TTC23: variants seen among roughly 807,000 people sequenced by gnomAD.
The protein encoded by TTC23 is tetratricopeptide repeat domain 23.
A neutral mutation model predicts 55.1 loss-of-function variants in TTC23; 58 were observed. The observed-to-expected ratio is 1.05, with a 90% CI of 0.85 to 1.31. TTC23 has a LOEUF of 1.31. Among genes scored for constraint, TTC23 ranks in the 50% most tolerant of loss-of-function variants. TTC23 has a pLI of 0.00. For synonymous variants in TTC23, 203 were observed against 199.9 expected, an observed-to-expected ratio of 1.02 and a Z score of -0.13; for missense variants, 516 against 534.4, an observed-to-expected ratio of 0.97 and a Z score of 0.34.
intron 10 of TTC23, among the ~76,000 whole-genome samples, chr15:99,173,255 C>T (rs184136081): frequency 3.1e-4 from 47 of 152,324 alleles, no homozygotes; most frequent in Non-Finnish European, 6.2e-4. Context: ...CTTGTTTTGA[C>T]TCACTCAGAG....
Position 99,199,975 on chromosome 15 carries a change from C to G in TTC23, c.703G>C (p.Ala235Pro). The stretch of plus-strand genomic sequence containing the variant: ...AGTCCCAGGGCTTGCTCTACACCTG[C>G]TAATTCTCTCAATATGGGTACACAC... ...RECVPILRELAGVEQALGLHD... is the reference protein window; with the variant it reads ...RECVPILRELPGVEQALGLHD... The change falls in exon 9 of 14, where the codon GCA (alanine) becomes CCA (proline). Residue 235 changes from alanine (A) to proline (P), a missense_variant. Ala to Pro is a conservative substitution (Grantham distance 27). Coordinates refer to ENST00000394132, the MANE Select transcript of TTC23 (RefSeq NM_001288615.3). The G allele has an allele frequency of 6.2e-7, 1 of 1,613,990 alleles. No individual in the cohort carries two copies. Among genetic ancestry groups the G allele is most frequent in the East Asian group, 2.2e-5 (1 of 44,856 alleles).
chr15:99,249,846 G>T (rs987076720), upstream of TTC23: 5 of 152,132 alleles, frequency 3.3e-5, no homozygotes, highest in Admixed American at 6.5e-5. Context: ...CAAATTGTGA[G>T]AACTTCAAGA....
chr15:99,242,994 C>T (rs1000567712), intron 2 of TTC23, among the ~76,000 whole-genome samples: 4 of 152,034 alleles, frequency 2.6e-5, no homozygotes, highest in Non-Finnish European at 5.9e-5. Context: ...CAAAAATGGA[C>T]AAATGGGATC....
At chr15:99,156,961 C>T (rs1303147130) in intron 11 of TTC23, among the ~76,000 whole-genome samples, 1 of 152,238 alleles carries the variant, frequency 6.6e-6, no homozygotes, top group East Asian at 1.9e-4. Context: ...GCTGAACACA[C>T]ACAATTGTGT....
intron 9 of TTC23, among the ~76,000 whole-genome samples, chr15:99,197,828 C>G (rs902658190): frequency 1.3e-5 from 2 of 151,906 alleles, no homozygotes; most frequent in African/African-American, 2.4e-5. Context: ...ATTGCTTGAA[C>G]CCAGGAGGTG....
intron 10 of TTC23, among the ~76,000 whole-genome samples, chr15:99,167,798 A>G (rs561620126): frequency 3.2e-4 from 49 of 152,322 alleles, no homozygotes; most frequent in Non-Finnish European, 5.1e-4. Context: ...GACAGCTTTC[A>G]TTAAGAGGGA....
intron 9 of TTC23, among the ~76,000 whole-genome samples, chr15:99,193,211 G>C (rs2075389212): frequency 6.6e-6 from 1 of 152,178 alleles, no homozygotes; most frequent in South Asian, 2.1e-4. Context: ...GTGAGACTTT[G>C]GAGGACTGTT....
At chr15:99,184,673 T>A (rs2074495283) in intron 9 of TTC23, among the ~76,000 whole-genome samples, 1 of 152,290 alleles carries the variant, frequency 6.6e-6, no homozygotes, top group Admixed American at 6.5e-5. Flanking sequence ...GGAGGGGACT[T>A]GCCTTGTCTC....
chr15:99,171,101 G>A (rs1016331303), intron 10 of TTC23, among the ~76,000 whole-genome samples: 2 of 152,200 alleles, frequency 1.3e-5, no homozygotes, highest in Non-Finnish European at 2.9e-5. Context: ...AGGACTTCAC[G>A]GTGCTGCAGG....
chr15:99,205,370 G>A (rs1479315682), intron 8 of TTC23, among the ~76,000 whole-genome samples: 1 of 152,058 alleles, frequency 6.6e-6, no homozygotes, highest in African/African-American at 2.4e-5. Context: ...CATTAAATCT[G>A]TAGGTTGCTT....
At chr15:99,198,666 C>T (rs965861397) in intron 9 of TTC23, among the ~76,000 whole-genome samples, 2 of 152,182 alleles carry the variant, frequency 1.3e-5, no homozygotes, top group African/African-American at 2.4e-5. Flanking sequence ...TAATTCTTGG[C>T]TTCCTTATCT....
intron 11 of TTC23, 63 bp from the exon 12 acceptor site, chr15:99,156,360 A>T (rs2070569860): frequency 1.9e-6 from 3 of 1,578,114 alleles, no homozygotes; most frequent in Non-Finnish European, 2.6e-6. Context: ...ATCATTACGC[A>T]ACTTGTAACA....
chr15:99,167,110 T>A (rs1190998811), intron 10 of TTC23, among the ~76,000 whole-genome samples: 1 of 151,630 alleles, frequency 6.6e-6, no homozygotes. Flanking sequence ...GGTCACTTCC[T>A]GAGAAGCAGT....
chr15:99,172,982 C>T (rs1007127209), intron 10 of TTC23, among the ~76,000 whole-genome samples: 6 of 152,172 alleles, frequency 3.9e-5, no homozygotes, highest in Non-Finnish European at 7.4e-5. Flanking sequence ...CATTCTAGGG[C>T]ACAGATTCAC....
chr15:99,194,646 T>C (rs1017823161), intron 9 of TTC23, among the ~76,000 whole-genome samples: 1 of 133,254 alleles, frequency 7.5e-6, no homozygotes, highest in African/African-American at 2.9e-5. Context: ...AAATGTAAAA[T>C]AAAAACTAGC....
At chr15:99,240,867 T>C (rs1464735499) in intron 3 of TTC23, among the ~76,000 whole-genome samples, 1 of 152,170 alleles carries the variant, frequency 6.6e-6, no homozygotes, top group East Asian at 1.9e-4. Context: ...ATTTCAGAGA[T>C]GTTCAAATGC....
intron 12 of TTC23, chr15:99,144,793 T>C (rs374096810): frequency 2.0e-5 from 3 of 152,192 alleles, no homozygotes; most frequent in South Asian, 2.1e-4. Flanking sequence ...TTTTAAAAAA[T>C]TGCTCTAATG....
At chr15:99,173,869 G>A (rs557153128) in intron 10 of TTC23, among the ~76,000 whole-genome samples, 42 of 152,258 alleles carry the variant, frequency 2.8e-4, no homozygotes, top group African/African-American at 9.1e-4. Context: ...TGCTTGCTTG[G>A]TTCCTGTAGA....
intron 12 of TTC23, among the ~76,000 whole-genome samples, chr15:99,146,555 C>T: frequency 6.6e-6 from 1 of 152,224 alleles, no homozygotes; most frequent in Non-Finnish European, 1.5e-5. Context: ...GCTAGAGAGC[C>T]TCAGGCCAGG....
Sources: gnomAD v4.1 joint callset for allele counts (sites outside exome capture counted in the v4.1 genomes callset) on GRCh38, gnomAD v4.1.1 for gene constraint, MANE v1.5 for transcripts, NCBI Gene and HGNC (gene_info 2026-07-23, HGNC 2026-07-21) for gene names.